GHR: variants seen among roughly 807,000 people sequenced by gnomAD.
GHR encodes growth hormone receptor.
In GHR, 35 loss-of-function variants were observed where a neutral mutation model predicts 67.1. That is an observed-to-expected ratio of 0.52 (90% confidence interval 0.40 to 0.69). The LOEUF is 0.69. GHR is among the 30% of genes least tolerant of loss of function. GHR has a pLI of 0.00. For missense variants in GHR, 792 were observed against 764.6 expected (o/e 1.04, Z -0.42); for synonymous variants, 272 against 269.1 (o/e 1.01, Z -0.10).
chr5:42,624,373 A>G (rs1026649570), intron 2 of GHR, among the ~76,000 whole-genome samples: 1 of 152,178 alleles, frequency 6.6e-6, no homozygotes, highest in Admixed American at 6.5e-5. Context: ...TGCTGATGTT[A>G]GGCCTGGAAA....
intron 1 of GHR, among the ~76,000 whole-genome samples, chr5:42,447,401 T>C (rs1027886636): frequency 6.6e-6 from 1 of 152,190 alleles, no homozygotes; most frequent in African/African-American, 2.4e-5. Flanking sequence ...AATATTTGGT[T>C]TTCCATTCCT....
intron 1 of GHR, among the ~76,000 whole-genome samples, chr5:42,435,386 T>C (rs1003277141): frequency 5.3e-5 from 8 of 152,162 alleles, no homozygotes; most frequent in Admixed American, 3.3e-4. Flanking sequence ...TTAAAGTCAA[T>C]AATAAAAGCC....
In GHR at chr5:42,721,818, T is replaced by G. The variant is rs962707501; in HGVS notation, c.*2394T>G. 6.6e-6 allele frequency: 1 copy of G among 152,558 alleles called. No homozygotes were observed. The highest frequency in any genetic ancestry group is 1.5e-5 in the Non-Finnish European group (1 of 68,052). 9.5% of individuals were successfully genotyped at this position (152,558 alleles called of 1,614,324 possible). A position where few individuals can be genotyped will look rare whatever the true frequency, so the allele number is the denominator to read the frequency against. ...CCTTCAAAGTTTAATAAATTTATTT[T>G]CTTGGATTCCTGATAGTGTGCTTCT... On this transcript the variant is annotated 3_prime_UTR_variant, in exon 10 of 10. Transcript: ENST00000230882.
At chr5:42,708,729 C>T (rs1758304578) in intron 6 of GHR, among the ~76,000 whole-genome samples, 1 of 152,196 alleles carries the variant, frequency 6.6e-6, no homozygotes, top group Non-Finnish European at 1.5e-5. Context: ...AGTTACGTCT[C>T]ACTGAGCCAC....
chr5:42,467,825 G>C (rs1744804369), intron 1 of GHR: 1 of 1,252,060 alleles, frequency 8.0e-7, no homozygotes, highest in South Asian at 1.4e-5. Flanking sequence ...CCCAAGCTGG[G>C]TTTTCGGATT....
chr5:42,554,285 T>C (rs1749192907), intron 1 of GHR, among the ~76,000 whole-genome samples: 1 of 151,890 alleles, frequency 6.6e-6, no homozygotes, highest in Non-Finnish European at 1.5e-5. Context: ...AGGCTGAGGA[T>C]GAGAACTTAG....
At chr5:42,513,526 G>A (rs191072761) in intron 1 of GHR, among the ~76,000 whole-genome samples, 6 of 152,302 alleles carry the variant, frequency 3.9e-5, no homozygotes, top group Middle Eastern at 3.4e-3. Flanking sequence ...GGTACTGTAC[G>A]TCTGTAATCC....
chr5:42,538,012 C>T (rs1748337701), intron 1 of GHR, among the ~76,000 whole-genome samples: 1 of 152,086 alleles, frequency 6.6e-6, no homozygotes, highest in Non-Finnish European at 1.5e-5. Context: ...GCATGAAATG[C>T]CTTTTTCCAC....
At chr5:42,708,902 C>T (rs912786557) in intron 6 of GHR, among the ~76,000 whole-genome samples, 14 of 152,032 alleles carry the variant, frequency 9.2e-5, no homozygotes, top group African/African-American at 3.1e-4. Context: ...TTCTTTATAC[C>T]TTTTATTCAT....
At chr5:42,487,281 C>A (rs988303899) in intron 1 of GHR, among the ~76,000 whole-genome samples, 4 of 152,102 alleles carry the variant, frequency 2.6e-5, no homozygotes, top group Admixed American at 1.3e-4. Context: ...ATAATCTTAC[C>A]CACTTATTCT....
chr5:42,475,760 T>C (rs1745277879), intron 1 of GHR, among the ~76,000 whole-genome samples: 1 of 151,370 alleles, frequency 6.6e-6, no homozygotes, highest in African/African-American at 2.4e-5. Context: ...ATGGGGAGAG[T>C]GAGAGTAAAT....
At chr5:42,608,774 T>C (rs1752749741) in intron 2 of GHR, among the ~76,000 whole-genome samples, 2 of 152,164 alleles carry the variant, frequency 1.3e-5, no homozygotes, top group Non-Finnish European at 1.5e-5. Context: ...CCACATATTC[T>C]TTATTTTCTT....
chr5:42,690,370 G>C (rs1211142315), intron 4 of GHR, among the ~76,000 whole-genome samples: 2 of 152,190 alleles, frequency 1.3e-5, no homozygotes, highest in Non-Finnish European at 2.9e-5. Context: ...TAATGGACTT[G>C]CCTCATGACT....
At chr5:42,605,320 G>A (rs1280536455) in intron 2 of GHR, among the ~76,000 whole-genome samples, 1 of 151,864 alleles carries the variant, frequency 6.6e-6, no homozygotes, top group African/African-American at 2.4e-5. Flanking sequence ...TGGTCAGGCT[G>A]GTGTCGAGCT....
At chr5:42,657,665 CT>C (rs2112848064) in intron 3 of GHR, among the ~76,000 whole-genome samples, 1 of 152,264 alleles carries the variant, frequency 6.6e-6, no homozygotes, top group African/African-American at 2.4e-5. Context: ...ATCTCTATCC[CT>C]TTTTTGTCAC....
At chr5:42,683,295 C>T (rs1419546164) in intron 3 of GHR, among the ~76,000 whole-genome samples, 1 of 152,030 alleles carries the variant, frequency 6.6e-6, no homozygotes, top group Non-Finnish European at 1.5e-5. Context: ...CCACCGCGCC[C>T]AGCCAGTTCC....
At chr5:42,539,046 C>A (rs1392872091) in intron 1 of GHR, among the ~76,000 whole-genome samples, 1 of 151,914 alleles carries the variant, frequency 6.6e-6, no homozygotes, top group Non-Finnish European at 1.5e-5. Flanking sequence ...TTTCTTTATG[C>A]TACCTATTTC....
Position 42,628,991 on chromosome 5 carries a change from T to TTGTTTTGATGGGGATGACTAA in GHR, c.71-44_71-24dup, listed in dbSNP as rs776727568. The TTGTTTTGATGGGGATGACTAA allele has an allele frequency of 1.1e-4, 111 of 1,049,228 alleles. 23 individuals are homozygous for TTGTTTTGATGGGGATGACTAA. In the Admixed American group the frequency reaches 1.2e-3, roughly 12 times the overall value. The allele number at this position is 1,049,228 out of a possible 1,614,324, so 65.0% of individuals were successfully genotyped here. On this transcript the variant is annotated intron_variant, in intron 2 of 9. Coordinates refer to ENST00000230882, the MANE Select transcript of GHR (RefSeq NM_000163.5). ...TTAGTTTACACAGGGTCATATCAGA[T>TTGTTTTGATGGGGATGACTAA]TGTTTTGATGGGGATGACTAATGGT...
rs538933053 is a variant in GHR at position 42,607,377 on chromosome 5, G to T, written c.71-21661G>T. Among the ~76,000 whole-genome samples, 459 of 152,258 alleles carry T rather than the reference G, an allele frequency of 3.0e-3. 1 individual carries two copies. Among genetic ancestry groups the T allele is most frequent in the Non-Finnish European group, 4.4e-3 (296 of 68,020 alleles). On this transcript the variant is annotated intron_variant, in intron 2 of 9. Coordinates refer to ENST00000230882, the MANE Select transcript of GHR (RefSeq NM_000163.5). Reference sequence around the variant, plus strand: ...CTAAGAAGGTAAAGCTAGGAGTTGGGTTTCCTTCCTGATTACAAAGTGATG... The same window carrying T: ...CTAAGAAGGTAAAGCTAGGAGTTGGTTTTCCTTCCTGATTACAAAGTGATG...
Sources: gnomAD v4.1 joint callset for allele counts (sites outside exome capture counted in the v4.1 genomes callset) on GRCh38, gnomAD v4.1.1 for gene constraint, MANE v1.5 for transcripts, NCBI Gene and HGNC (gene_info 2026-07-23, HGNC 2026-07-21) for gene names.